Variants in GGA1 observed in about 807,000 individuals in gnomAD.
The protein encoded by GGA1 is ADP-ribosylation factor-binding protein GGA1.
In GGA1, 18 loss-of-function variants were observed where a neutral mutation model predicts 76.9. The observed-to-expected ratio is 0.23, with a 90% CI of 0.16 to 0.35. The LOEUF (loss-of-function observed/expected upper bound fraction) is 0.35. Among genes scored for constraint, GGA1 ranks in the 10% least tolerant of loss-of-function variants. The pLI, the probability that GGA1 is intolerant of heterozygous loss-of-function variation, is 1.00. For missense variants in GGA1, 755 were observed against 859.0 expected (o/e 0.88, Z 1.51); for synonymous variants, 342 against 354.7 (o/e 0.96, Z 0.40).
intron 1 of GGA1, chr22:37,612,950 C>T (rs1384513308): frequency 3.0e-6 from 3 of 985,112 alleles, no homozygotes; most frequent in Non-Finnish European, 3.6e-6. Context: ...TGCCACTATC[C>T]ATTTCTGGAT....
In GGA1 at chr22:37,614,338, A is replaced by G. The variant is rs983211954; in HGVS notation, c.128+64A>G. 1.5e-5 allele frequency: 18 copies of G among 1,164,670 alleles called. No individual in the cohort carries two copies. The African/African-American group carries it at 2.4e-4, about 16-fold the overall frequency. The allele number at this position is 1,164,670 out of a possible 1,614,324, so 72.1% of individuals were successfully genotyped here. ...TCTCCAGAACCCAGTCTCGGGTACA[A>G]TGGCCTGGGTGGGTGGAGACCCGGT... On this transcript the variant is annotated intron_variant, in intron 2 of 16. Transcript: ENST00000343632.
intron 1 of GGA1, 88 bp from the exon 2 acceptor site, chr22:37,614,102 A>T (rs1203860113): frequency 3.3e-6 from 3 of 896,548 alleles, no homozygotes; most frequent in Non-Finnish European, 3.8e-6. Context: ...CTCCTCTCCC[A>T]CTCCTGACCA....
chr22:37,632,420 C>T lies in GGA1; in HGVS notation c.1714C>T (p.Leu572=). The T allele has an allele frequency of 1.2e-6, 2 of 1,611,734 alleles. No individual in the cohort carries two copies. Among genetic ancestry groups the T allele is most frequent in the Non-Finnish European group, 1.7e-6 (2 of 1,177,886 alleles). ...SAVPKVMKVK[L]QPPSGTELPA... ...CTGCCCACAGGTTATGAAGGTGAAG[C>T]TGCAGCCACCCTCGGGCACGGAGCT... The change falls in exon 16 of 17, where the codon CTG becomes TTG. Residue 572 remains leucine (L), a synonymous_variant. Transcript: ENST00000343632. This position sits in a 1 kb window ranked among gnomAD's most constrained non-coding sequence, Gnocchi z 5.1.
At chr22:37,614,840 G>C (rs1017472776) in intron 2 of GGA1, among the ~76,000 whole-genome samples, 2 of 152,126 alleles carry the variant, frequency 1.3e-5, no homozygotes, top group African/African-American at 4.8e-5. Flanking sequence ...TTAGCTGGGC[G>C]TGGTGGCACG....
intron 1 of GGA1, among the ~76,000 whole-genome samples, chr22:37,612,267 A>G (rs1364362957): frequency 1.3e-5 from 2 of 151,408 alleles, no homozygotes; most frequent in South Asian, 2.1e-4. Flanking sequence ...GATCAAGACC[A>G]TCCTGGCTAA....
chr22:37,623,995 T>C lies in GGA1; in HGVS notation c.832+362T>C. 4.0e-6 allele frequency: 1 copy of C among 247,920 alleles called. No homozygotes were observed. Among genetic ancestry groups the C allele is most frequent in the Non-Finnish European group, 8.1e-6 (1 of 124,120 alleles). 15.4% of individuals were successfully genotyped at this position (247,920 alleles called of 1,614,324 possible). ...ACGGAGGGCCATCTGCCCCCAGACC[T>C]TCCTCCCTAATGAGGGTGAATGGAA... On this transcript the variant is annotated intron_variant, in intron 9 of 16. Coordinates refer to ENST00000343632, the MANE Select transcript of GGA1 (RefSeq NM_013365.5). This position sits in a 1 kb window ranked among gnomAD's most constrained non-coding sequence, Gnocchi z 4.6.
intron 4 of GGA1, 39 bp downstream of exon 4, chr22:37,618,585 G>A (rs771439940): frequency 1.6e-6 from 2 of 1,253,128 alleles, no homozygotes; most frequent in African/African-American, 1.5e-5. Context: ...TGCCCTGTCG[G>A]ATGTGGGGAG....
At chr22:37,616,891 ACT>A in intron 2 of GGA1, 29 bp from the exon 3 acceptor site, 2 of 1,570,158 alleles carry the variant, frequency 1.3e-6, no homozygotes, top group Non-Finnish European at 1.7e-6. Flanking sequence ...CTCCGTGGCG[ACT>A]CTGGCTCTGT....
At position 37,632,552 on chromosome 22, in the gene GGA1, G is replaced by A. The variant is rs773438908; in HGVS notation, c.1809+37G>A. The A allele has an allele frequency of 1.3e-5, 21 of 1,578,990 alleles. No homozygotes were observed. Among genetic ancestry groups the A allele is most frequent in the Admixed American group, 5.0e-5 (3 of 59,910 alleles). On this transcript the variant is annotated intron_variant, in intron 16 of 16. Transcript: ENST00000343632. This position sits in a 1 kb window ranked among gnomAD's most constrained non-coding sequence, Gnocchi z 5.1. ...CCAGGCAGTGCTGCAGGGTGGGGAC[G>A]GCCACTTCTCCTCCTCTGACCCCTC...
At chr22:37,618,602 G>C in intron 4 of GGA1, 56 bp downstream of exon 4, 1 of 1,093,120 alleles carries the variant, frequency 9.1e-7, no homozygotes, top group Non-Finnish European at 1.4e-6. Context: ...GGAGAGGAAA[G>C]AGGACCTTCA....
intron 2 of GGA1, among the ~76,000 whole-genome samples, chr22:37,614,990 CAAAG>C (rs1569200092): frequency 6.6e-6 from 1 of 152,058 alleles, no homozygotes; most frequent in Non-Finnish European, 1.5e-5. Flanking sequence ...AAAAACAAAA[CAAAG>C]AATTACCTAG....
Position 37,624,711 on chromosome 22 carries a change from G to A in GGA1, c.833-258G>A, listed in dbSNP as rs1930488400. 1.2e-5 allele frequency: 5 copies of A among 427,906 alleles called. No individual in the cohort carries two copies. Among genetic ancestry groups the A allele is most frequent in the South Asian group, 1.1e-4 (5 of 44,902 alleles). 26.5% of individuals were successfully genotyped at this position (427,906 alleles called of 1,614,324 possible). On this transcript the variant is annotated intron_variant, in intron 9 of 16. Coordinates refer to ENST00000343632, the MANE Select transcript of GGA1 (RefSeq NM_013365.5). The surrounding 1 kb of genome is among the most constrained non-coding windows in gnomAD (Gnocchi z 4.3). Reference sequence around the variant, plus strand: ...GGCAGCCAGAGAGCAGAGCTGGAGTGGAGGCCTGGAGGCGGGAGCGGGCCC... The same window carrying A: ...GGCAGCCAGAGAGCAGAGCTGGAGTAGAGGCCTGGAGGCGGGAGCGGGCCC...
At chr22:37,609,171 A>T in intron 1 of GGA1, 1 of 1,428,600 alleles carries the variant, frequency 7.0e-7, no homozygotes, top group Non-Finnish European at 9.3e-7. Flanking sequence ...TGCGCCGGGA[A>T]CCCCCGGGAC....
intron 2 of GGA1, among the ~76,000 whole-genome samples, chr22:37,615,547 C>T (rs1488182015): frequency 5.3e-5 from 8 of 152,048 alleles, no homozygotes; most frequent in Non-Finnish European, 1.2e-4. Context: ...AGGTGGATCA[C>T]GAGGCCAACA....
At chr22:37,630,564 A>G in intron 13 of GGA1, 1 of 445,940 alleles carries the variant, frequency 2.2e-6, no homozygotes, top group South Asian at 2.8e-5. Flanking sequence ...CCATCACCAA[A>G]GAATCACTTT....
At chr22:37,609,178 G>A (rs929126050) in intron 1 of GGA1, 4 of 1,420,954 alleles carry the variant, frequency 2.8e-6, no homozygotes, top group African/African-American at 3.0e-5. Flanking sequence ...GGAACCCCCG[G>A]GACGGAGAGA....
intron 1 of GGA1, among the ~76,000 whole-genome samples, chr22:37,609,571 G>C (rs1180337665): frequency 6.6e-6 from 1 of 152,084 alleles, no homozygotes; most frequent in Non-Finnish European, 1.5e-5. Flanking sequence ...GCCTTTCCCA[G>C]CTCTTGCTGA....
intron 2 of GGA1, among the ~76,000 whole-genome samples, chr22:37,615,338 A>AC (rs2145899741): frequency 6.6e-6 from 1 of 152,158 alleles, no homozygotes; most frequent in Non-Finnish European, 1.5e-5. Flanking sequence ...AATCCCAGCT[A>AC]CTCGGGAGGC....
chr22:37,620,136 T>C, intron 4 of GGA1, 102 bp from the exon 5 acceptor site: 1 of 1,363,572 alleles, frequency 7.3e-7, no homozygotes, highest in Non-Finnish European at 1.0e-6. Flanking sequence ...GCTAGAGGGC[T>C]TCCCGGGGAG....
Sources: allele counts gnomAD v4.1 joint callset (sites outside exome capture counted in the v4.1 genomes callset), GRCh38; gene constraint gnomAD v4.1.1; non-coding constraint Gnocchi (gnomAD v3.1); transcripts MANE v1.5; gene names NCBI Gene and HGNC (gene_info 2026-07-23, HGNC 2026-07-21).